Variants in THNSL1 observed in about 807,000 individuals in gnomAD.
THNSL1 encodes threonine synthase like 1.
In THNSL1, 48 loss-of-function variants were observed where a neutral mutation model predicts 50.4. That is an observed-to-expected ratio of 0.95 (90% CI 0.76 to 1.21). The LOEUF (loss-of-function observed/expected upper bound fraction) is 1.21. Ranked by LOEUF, THNSL1 falls within the 50% of genes most tolerant of loss-of-function variation. THNSL1 has a pLI of 0.00. For synonymous variants in THNSL1, 309 were observed against 306.1 expected, an observed-to-expected ratio of 1.01 and a Z score of -0.10; for missense variants, 896 against 871.7, an observed-to-expected ratio of 1.03 and a Z score of -0.35.
chr10:25,026,257 A>T lies in THNSL1; in HGVS notation c.*802A>T, dbSNP rs557269103. On this transcript the variant is annotated 3_prime_UTR_variant, in exon 3 of 3. Transcript: ENST00000376356. ...GTATCTCACACTGTCCAAATTAAAG[A>T]TGTACTCTGTCCTTCACTCTCCTTT... is the stretch of plus-strand genomic sequence containing the variant. 2 of 167,018 alleles carry T rather than the reference A, an allele frequency of 1.2e-5. No individual in the cohort carries two copies. The highest frequency in any genetic ancestry group is 4.1e-4 in the South Asian group (2 of 4,828). The allele number at this position is 167,018 out of a possible 1,614,324, so 10.3% of individuals were successfully genotyped here.
chr10:24,994,677 G>A, the THNSL1 span, among the ~76,000 whole-genome samples: 2 of 151,996 alleles, frequency 1.3e-5, no homozygotes, highest in African/African-American at 2.4e-5. Flanking sequence ...TTATAAGTGC[G>A]CAAAATAAAG....
chr10:24,967,397 A>C, the THNSL1 span, among the ~76,000 whole-genome samples: 1 of 152,228 alleles, frequency 6.6e-6, no homozygotes, highest in Non-Finnish European at 1.5e-5. Context: ...TTTGGCTCTT[A>C]CAACTGAGAA....
the THNSL1 span, among the ~76,000 whole-genome samples, chr10:24,971,256 A>G: frequency 6.6e-6 from 1 of 152,024 alleles, no homozygotes; most frequent in South Asian, 2.1e-4. Flanking sequence ...AAGCCATTAC[A>G]CTTGGCTAAT....
chr10:24,968,373 C>T, the THNSL1 span, among the ~76,000 whole-genome samples: 26,385 of 151,998 alleles, frequency 0.17, 4,654 homozygotes, highest in African/African-American at 0.45. Context: ...AATGTCTTGC[C>T]TAGCCAACAA....
the THNSL1 span, among the ~76,000 whole-genome samples, chr10:24,998,379 CTCTT>C: frequency 1.6e-5 from 2 of 122,860 alleles, no homozygotes; most frequent in African/African-American, 3.6e-5. Context: ...CTCTCTCTCT[CTCTT>C]TCTTTTTTTG....
At chr10:24,971,110 T>C in the THNSL1 span, among the ~76,000 whole-genome samples, 1 of 152,154 alleles carries the variant, frequency 6.6e-6, no homozygotes, top group Non-Finnish European at 1.5e-5. Context: ...CACTGCTTTT[T>C]TTTTTTTGAG....
In THNSL1 at chr10:25,024,123, C is replaced by T. The variant is rs1390556377; in HGVS notation, c.900C>T (p.Ile300=). The stretch of plus-strand genomic sequence containing the variant: ...CACAGATACTGTTGGAAAGATGTAT[C>T]CATCCTGCAGACATACCTGCTGCCA... ...ERAQILLERC[I]HPADIPAARL... Residue 300 remains isoleucine (I), a synonymous_variant, in exon 3 of 3, where the codon ATC becomes ATT. Transcript: ENST00000376356. 6.2e-7 allele frequency: 1 copy of T among 1,614,040 alleles called. No homozygotes were observed. Among genetic ancestry groups the T allele is most frequent in the African/African-American group, 1.3e-5 (1 of 74,934 alleles).
At chr10:24,988,899 A>G in the THNSL1 span, among the ~76,000 whole-genome samples, 1 of 151,770 alleles carries the variant, frequency 6.6e-6, no homozygotes, top group African/African-American at 2.4e-5. Flanking sequence ...AGTGTGGCTC[A>G]GGGCTCGTCA....
At position 25,023,579 on chromosome 10, in the gene THNSL1, TG is replaced by T. The variant is rs1169364211; in HGVS notation, c.357del (p.Leu120Ter). ...EQFLEEEGKA[V>X]LNFSASGSVI... ...TTTTTAGAAGAGGAAGGAAAAGCTG[TG>T]TTAAACTTCTCTGCATCTGGAAGTG... On this transcript the variant is annotated frameshift_variant, in exon 3 of 3. Coordinates refer to ENST00000376356, the MANE Select transcript of THNSL1 (RefSeq NM_024838.5). LOFTEE classifies it high-confidence loss of function. 2 of 1,614,132 alleles carry T rather than the reference TG, an allele frequency of 1.2e-6. No homozygotes were observed. The highest frequency in any genetic ancestry group is 1.7e-6 in the Non-Finnish European group (2 of 1,180,006).
chr10:24,980,630 G>T, the THNSL1 span, among the ~76,000 whole-genome samples: 2 of 152,140 alleles, frequency 1.3e-5, no homozygotes, highest in Admixed American at 6.5e-5. Context: ...CAATGAGAGA[G>T]CTATGTCAGC....
chr10:24,974,058 A>G, the THNSL1 span, among the ~76,000 whole-genome samples: 1 of 152,070 alleles, frequency 6.6e-6, no homozygotes, highest in Non-Finnish European at 1.5e-5. Flanking sequence ...ATGACATTTT[A>G]GGTTTAATGA....
chr10:25,011,141 C>G, the THNSL1 span, among the ~76,000 whole-genome samples: 1 of 152,000 alleles, frequency 6.6e-6, no homozygotes, highest in African/African-American at 2.4e-5. Context: ...GCCATTCTAA[C>G]TGGTGTGAGA....
chr10:25,007,476 C>T, the THNSL1 span, among the ~76,000 whole-genome samples: 1 of 152,088 alleles, frequency 6.6e-6, no homozygotes, highest in African/African-American at 2.4e-5. Context: ...GCACTTTCAC[C>T]CAGGCTGGAG....
At chr10:24,952,935 G>C in the THNSL1 span, among the ~76,000 whole-genome samples, 1 of 152,018 alleles carries the variant, frequency 6.6e-6, no homozygotes, top group East Asian at 1.9e-4. The surrounding 1 kb of genome is among the most constrained non-coding windows in gnomAD (Gnocchi z 5.1). Flanking sequence ...GCCCCGCGGG[G>C]ACTCTGGAGC....
At chr10:24,973,905 C>T in the THNSL1 span, among the ~76,000 whole-genome samples, 1,097 of 152,236 alleles carry the variant, frequency 7.2e-3, 13 homozygotes, top group Non-Finnish European at 8.4e-3. Flanking sequence ...AGGCGTTCGC[C>T]ACCACGCCCG....
the THNSL1 span, among the ~76,000 whole-genome samples, chr10:24,971,728 G>C: frequency 6.6e-6 from 1 of 152,180 alleles, no homozygotes; most frequent in Non-Finnish European, 1.5e-5. Flanking sequence ...ACAATGTGCT[G>C]TTTTCATGTT....
chr10:24,961,962 G>T, the THNSL1 span, among the ~76,000 whole-genome samples: 5 of 152,276 alleles, frequency 3.3e-5, no homozygotes, highest in African/African-American at 1.2e-4. Context: ...GGGTTACTGT[G>T]AGGATTAAAG....
the THNSL1 span, among the ~76,000 whole-genome samples, chr10:25,010,208 G>C: frequency 1.3e-5 from 2 of 152,162 alleles, no homozygotes; most frequent in Non-Finnish European, 2.9e-5. Context: ...CGGAGATGAG[G>C]AACTTGTTGA....
chr10:24,972,734 T>A, the THNSL1 span, among the ~76,000 whole-genome samples: 1 of 152,108 alleles, frequency 6.6e-6, no homozygotes, highest in African/African-American at 2.4e-5. Context: ...TCCTCTTGTG[T>A]GAAAAGTTGC....
Sources: gnomAD v4.1 joint callset for allele counts (sites outside exome capture counted in the v4.1 genomes callset) on GRCh38, gnomAD v4.1.1 for gene constraint, Gnocchi (gnomAD v3.1) non-coding constraint, MANE v1.5 for transcripts, NCBI Gene and HGNC (gene_info 2026-07-23, HGNC 2026-07-21) for gene names.